Variants in ENO4 observed in about 807,000 individuals in gnomAD.
ENO4 encodes 2-phospho-D-glycerate hydro-lyase.
A neutral mutation model predicts 63.2 loss-of-function variants in ENO4; 53 were observed. The observed-to-expected ratio is 0.84, with a 90% CI of 0.67 to 1.05. The LOEUF is 1.05. ENO4 is among the 50% of genes least tolerant of loss of function. The pLI is 0.00. For synonymous variants in ENO4, 266 were observed against 283.8 expected (o/e 0.94, Z 0.63); for missense variants, 719 against 772.0 (o/e 0.93, Z 0.81).
At chr10:116,897,219 AAC>A (rs1295147796) in intron 10 of ENO4, among the ~76,000 whole-genome samples, 1 of 152,200 alleles carries the variant, frequency 6.6e-6, no homozygotes, top group Non-Finnish European at 1.5e-5. Flanking sequence ...TCTAAAAGAT[AAC>A]AGTTATTTTG....
intron 4 of ENO4, among the ~76,000 whole-genome samples, chr10:116,860,422 AG>A (rs1846377827): frequency 6.6e-6 from 1 of 152,232 alleles, no homozygotes; most frequent in Admixed American, 6.5e-5. Context: ...GGTGAAATAT[AG>A]AAAAACAAAT....
At chr10:116,873,424 T>C (rs1267828202) in intron 9 of ENO4, among the ~76,000 whole-genome samples, 1 of 152,200 alleles carries the variant, frequency 6.6e-6, no homozygotes, top group African/African-American at 2.4e-5. Flanking sequence ...AGAAAGGCTA[T>C]TCTAGATCCT....
Position 116,858,997 on chromosome 10 carries a change from T to C in ENO4, c.493T>C (p.Phe165Leu), listed in dbSNP as rs776738848. ...TATTTTCTTGCTATTAAGGATATTC[T>C]TCGCAAGTAAAGTACAAGAAGATAA... ...AEVDHLLRIFFASKVQEDKGR... is the reference protein window; with the variant it reads ...AEVDHLLRIFLASKVQEDKGR... Residue 165 changes from phenylalanine (F) to leucine (L), a missense_variant, in exon 4 of 14, where the codon TTC (phenylalanine) becomes CTC (leucine). Physicochemically the swap from Phe to Leu is conservative, Grantham distance 22. Coordinates refer to ENST00000341276, the MANE Select transcript of ENO4 (RefSeq NM_001242699.2). The C allele has an allele frequency of 6.1e-5, 93 of 1,533,306 alleles. No homozygotes were observed. Among genetic ancestry groups the C allele is most frequent in the Non-Finnish European group, 7.9e-5 (91 of 1,144,978 alleles). The allele number at this position is 1,533,306 out of a possible 1,614,324, so 95.0% of individuals were successfully genotyped here. A position where few individuals can be genotyped will look rare whatever the true frequency, so the allele number is the denominator to read the frequency against.
rs2133275076 is a variant in ENO4 at position 116,874,209 on chromosome 10, C to T, written c.1341+8C>T. 1.3e-6 allele frequency: 2 copies of T among 1,523,610 alleles called. No individual in the cohort carries two copies. Among genetic ancestry groups the T allele is most frequent in the South Asian group, 2.5e-5 (2 of 80,932 alleles). 94.4% of individuals were successfully genotyped at this position (1,523,610 alleles called of 1,614,324 possible). ...GATCCTTTCAGGAAGGAGGTAAGCA[C>T]CCCACCTTCCATATTTTATAACATA... On this transcript the variant is annotated splice_region_variant and intron_variant, in intron 10 of 13. Coordinates refer to ENST00000341276, the MANE Select transcript of ENO4 (RefSeq NM_001242699.2).
intron 11 of ENO4, among the ~76,000 whole-genome samples, chr10:116,877,072 C>T (rs1846858470): frequency 6.6e-6 from 1 of 152,086 alleles, no homozygotes; most frequent in Non-Finnish European, 1.5e-5. Flanking sequence ...TACCCATCTG[C>T]ACTAGCCAGG....
intron 10 of ENO4, among the ~76,000 whole-genome samples, chr10:116,911,004 G>A (rs1316744829): frequency 1.3e-5 from 2 of 152,208 alleles, no homozygotes; most frequent in East Asian, 3.9e-4. Context: ...AATTGGCACA[G>A]CAACAACAAA....
At position 116,874,162 on chromosome 10, in the gene ENO4, C is replaced by T; in HGVS notation, c.1302C>T (p.Tyr434=). ...VDLYVDLINK[Y]PSIIALIDPF... Reference sequence around the variant, plus strand: ...TGTATGTGGATCTGATCAACAAGTACCCTTCAATTATTGCCTTAATTGATC... The same window carrying T: ...TGTATGTGGATCTGATCAACAAGTATCCTTCAATTATTGCCTTAATTGATC... Residue 434 remains tyrosine (Y), a synonymous_variant, in exon 10 of 14, where the codon TAC becomes TAT. Transcript: ENST00000341276. The T allele has an allele frequency of 1.3e-6, 2 of 1,548,360 alleles. No individual in the cohort carries two copies. The highest frequency in any genetic ancestry group is 1.7e-6 in the Non-Finnish European group (2 of 1,145,318).
chr10:116,862,448 G>A (rs573190902), intron 6 of ENO4, among the ~76,000 whole-genome samples: 5 of 151,010 alleles, frequency 3.3e-5, no homozygotes, highest in African/African-American at 1.2e-4. Context: ...GCAACAGAGT[G>A]AAACTCCATC....
chr10:116,904,273 T>G (rs1010760672), intron 10 of ENO4, among the ~76,000 whole-genome samples: 2 of 152,198 alleles, frequency 1.3e-5, no homozygotes, highest in Non-Finnish European at 2.9e-5. Context: ...CTTTCTTGCT[T>G]ACTTTCCCCC....
Position 116,871,309 on chromosome 10 carries a change from G to C in ENO4, c.1215+17G>C. ...ATGGACTACGTAAGTTTCCACTTCAGAACATTCACTTCCTATTGAGATCCA... is the reference window on the plus strand; with the variant it reads ...ATGGACTACGTAAGTTTCCACTTCACAACATTCACTTCCTATTGAGATCCA... On this transcript the variant is annotated intron_variant, in intron 9 of 13. Coordinates refer to ENST00000341276, the MANE Select transcript of ENO4 (RefSeq NM_001242699.2). 2 of 1,543,596 alleles carry C rather than the reference G, an allele frequency of 1.3e-6. No homozygotes were observed. Among genetic ancestry groups the C allele is most frequent in the Non-Finnish European group, 1.8e-6 (2 of 1,142,464 alleles).
At chr10:116,849,843 C>G (rs1199124890) in intron 1 of ENO4, 112 bp downstream of exon 1, 5 of 1,259,130 alleles carry the variant, frequency 4.0e-6, no homozygotes, top group Non-Finnish European at 5.5e-6. Flanking sequence ...TGCCAGCCGC[C>G]CGGGCCCTGG....
In ENO4 at chr10:116,861,233, AAAAAT is replaced by A. The variant is rs781431456; in HGVS notation, c.936+45_936+49del. 380 of 489,952 alleles carry A rather than the reference AAAAAT, an allele frequency of 7.8e-4. 2 individuals carry two copies. In the South Asian group the frequency reaches 0.016, roughly 20 times the overall value. 30.4% of individuals were successfully genotyped at this position (489,952 alleles called of 1,614,324 possible). A position where few individuals can be genotyped will look rare whatever the true frequency, so the allele number is the denominator to read the frequency against. On this transcript the variant is annotated intron_variant, in intron 6 of 13. Transcript: ENST00000341276. Reference sequence around the variant, plus strand: ...AAATTACCTTTTCTAAAAAAAAAAAAAAAATATATATATATATATATATACTCCGT... The same window carrying A: ...AAATTACCTTTTCTAAAAAAAAAAAAATATATATATATATATATACTCCGT...
intron 1 of ENO4, among the ~76,000 whole-genome samples, chr10:116,852,765 A>G (rs1358479231): frequency 6.6e-6 from 1 of 152,156 alleles, no homozygotes; most frequent in Non-Finnish European, 1.5e-5. Context: ...CCTGTGAGAA[A>G]GATAGATGCC....
intron 4 of ENO4, 97 bp from the exon 5 acceptor site, chr10:116,860,697 C>T: frequency 1.0e-6 from 1 of 956,272 alleles, no homozygotes; most frequent in Non-Finnish European, 1.4e-6. Context: ...TTTGTTGTTC[C>T]CAGCCTCGGC....
chr10:116,893,814 C>T (rs1847423761), intron 10 of ENO4, among the ~76,000 whole-genome samples: 2 of 152,052 alleles, frequency 1.3e-5, no homozygotes, highest in Admixed American at 1.3e-4. Flanking sequence ...TAATTTTATG[C>T]CAAGTTTCCC....
intron 1 of ENO4, among the ~76,000 whole-genome samples, chr10:116,854,738 T>A (rs1222390097): frequency 6.8e-6 from 1 of 147,024 alleles, no homozygotes; most frequent in Non-Finnish European, 1.5e-5. Context: ...AGGCCAGGAG[T>A]TTGAGACCAG....
In ENO4 at chr10:116,900,871, A is replaced by G. The variant is rs184815882; in HGVS notation, c.1195-10628A>G. The G allele has an allele frequency of 2.6e-5, 26 of 985,370 alleles. No homozygotes were observed. In the Admixed American group the frequency reaches 1.0e-3, roughly 40 times the overall value. 61.0% of individuals were successfully genotyped at this position (985,370 alleles called of 1,614,324 possible). A position where few individuals can be genotyped will look rare whatever the true frequency, so the allele number is the denominator to read the frequency against. ...CATTCCAGAAGAGAAAAAAAAGTTA[A>G]TAGTAGCAATGAGAGAATGCAAGAG... On this transcript the variant is annotated intron_variant, in intron 10 of 10. Transcript: ENST00000369207.
At chr10:116,909,847 T>G (rs1320346674) in intron 10 of ENO4, among the ~76,000 whole-genome samples, 1 of 152,218 alleles carries the variant, frequency 6.6e-6, no homozygotes, top group African/African-American at 2.4e-5. Context: ...TTTCTGGTTC[T>G]GTTCCACAAT....
In ENO4 at chr10:116,859,080, T is replaced by C; in HGVS notation, c.576T>C (p.Pro192=). 6.5e-7 allele frequency: 1 copy of C among 1,534,952 alleles called. No homozygotes were observed. Among genetic ancestry groups the C allele is most frequent in the Non-Finnish European group, 8.7e-7 (1 of 1,146,248 alleles). ...ACTCAACAGTGCCTACACCTCTACCTCCAGTACCACCACCACCACCCCCTC... is the reference window on the plus strand; with the variant it reads ...ACTCAACAGTGCCTACACCTCTACCCCCAGTACCACCACCACCACCCCCTC... ...LEYSTVPTPL[P]PVPPPPPPPP... is the part of the protein sequence containing the mutation. The change falls in exon 4 of 14, where the codon CCT becomes CCC. Residue 192 remains proline (P), a synonymous_variant. Transcript: ENST00000341276.
Sources: allele counts gnomAD v4.1 joint callset (sites outside exome capture counted in the v4.1 genomes callset), GRCh38; gene constraint gnomAD v4.1.1; transcripts MANE v1.5; gene names NCBI Gene and HGNC (gene_info 2026-07-23, HGNC 2026-07-21).